The following SGCD variants were observed in gnomAD, a reference collection of about 807,000 sequenced individuals.
The protein encoded by SGCD is delta-sarcoglycan.
In SGCD, 18 loss-of-function variants were observed where a neutral mutation model predicts 36.6. The observed-to-expected ratio is 0.49, with a 90% CI of 0.34 to 0.73. SGCD has a LOEUF of 0.73. SGCD is among the 30% of genes least tolerant of loss of function. SGCD has a pLI of 0.01. For synonymous variants in SGCD, 133 were observed against 130.6 expected (o/e 1.02, Z -0.12); for missense variants, 387 against 346.7 (o/e 1.12, Z -0.92).
chr5:155,901,354 T>C (rs1222631789), intron 1 of SGCD, among the ~76,000 whole-genome samples: 1 of 151,696 alleles, frequency 6.6e-6, no homozygotes, highest in African/African-American at 2.4e-5. Context: ...TTGAGTTGAT[T>C]CTAAATAGCC....
At chr5:156,470,182 G>A (rs1754891937) in intron 3 of SGCD, among the ~76,000 whole-genome samples, 1 of 152,054 alleles carries the variant, frequency 6.6e-6, no homozygotes, top group South Asian at 2.1e-4. Context: ...AACATGAGAG[G>A]AAAGATACAT....
intron 3 of SGCD, among the ~76,000 whole-genome samples, chr5:156,499,414 A>G (rs1227716996): frequency 6.6e-6 from 1 of 152,218 alleles, no homozygotes; most frequent in Non-Finnish European, 1.5e-5. Context: ...CTTATTTCTC[A>G]TCTCAAGAAA....
At chr5:156,536,226 G>A (rs1411067168) in intron 4 of SGCD, among the ~76,000 whole-genome samples, 2 of 152,060 alleles carry the variant, frequency 1.3e-5, no homozygotes, top group African/African-American at 2.4e-5. Context: ...TTATAAGGTC[G>A]TTTATATTAT....
In SGCD at chr5:156,603,053, A is replaced by G. The variant is rs562318854; in HGVS notation, c.502+8002A>G. Among the ~76,000 whole-genome samples, 11 of 152,240 alleles carry G rather than the reference A, an allele frequency of 7.2e-5. No individual in the cohort carries two copies. In the East Asian group the frequency reaches 1.9e-3, roughly 27 times the overall value. On this transcript the variant is annotated intron_variant, in intron 6 of 8. Coordinates refer to ENST00000337851, the MANE Select transcript of SGCD (RefSeq NM_000337.6). ...TTTAAGTGTTTGGCAAGAAGTCAGC[A>G]TGAAGCCATTATGTCCTGGGCTTTT...
chr5:156,579,906 C>T (rs1432886315), intron 4 of SGCD, among the ~76,000 whole-genome samples: 2 of 152,180 alleles, frequency 1.3e-5, no homozygotes, highest in Non-Finnish European at 2.9e-5. Flanking sequence ...GAATTTAGCC[C>T]ATTTACATTT....
intron 6 of SGCD, among the ~76,000 whole-genome samples, chr5:156,608,271 A>C (rs1393043724): frequency 2.0e-5 from 3 of 152,134 alleles, no homozygotes; most frequent in Non-Finnish European, 2.9e-5. Context: ...TTCAAAGAAG[A>C]TCTTTATTTC....
At chr5:156,148,497 A>G (rs1049259741) in intron 3 of SGCD, among the ~76,000 whole-genome samples, 4 of 152,178 alleles carry the variant, frequency 2.6e-5, no homozygotes, top group Non-Finnish European at 5.9e-5. Context: ...TTCTATTTGA[A>G]GCTGCTTAAA....
At chr5:156,122,228 GAGCTC>G (rs2127602878) in intron 2 of SGCD, among the ~76,000 whole-genome samples, 3 of 152,110 alleles carry the variant, frequency 2.0e-5, no homozygotes, top group African/African-American at 7.2e-5. Flanking sequence ...AATATTTATC[GAGCTC>G]CACTTCTGTG....
intron 4 of SGCD, among the ~76,000 whole-genome samples, chr5:156,530,387 G>A (rs1268870875): frequency 6.6e-6 from 1 of 152,120 alleles, no homozygotes; most frequent in Non-Finnish European, 1.5e-5. Flanking sequence ...TTAATGCATA[G>A]GTATTTATAT....
chr5:156,180,618 A>G (rs1763585717), intron 3 of SGCD, among the ~76,000 whole-genome samples: 1 of 152,214 alleles, frequency 6.6e-6, no homozygotes, highest in African/African-American at 2.4e-5. Flanking sequence ...TTCACTGAAA[A>G]TGAACTGACA....
At chr5:156,286,813 T>TA (rs1427397628) in intron 3 of SGCD, among the ~76,000 whole-genome samples, 1 of 151,308 alleles carries the variant, frequency 6.6e-6, no homozygotes, top group Non-Finnish European at 1.5e-5. Flanking sequence ...CCCTAAAACT[T>TA]AAAGTATAAT....
the SGCD span, among the ~76,000 whole-genome samples, chr5:155,734,195 T>A: frequency 1.4e-5 from 2 of 148,106 alleles, no homozygotes; most frequent in Non-Finnish European, 3.0e-5. Flanking sequence ...TGTTATTAAT[T>A]ATATTAATAT....
chr5:156,329,551 G>T lies in SGCD; in HGVS notation c.-26G>T, dbSNP rs752924735. ...CCTTGCAGAGACATTACTGCCGGGAGTGTTGAGTGAAGGGACCAGGTGGAG... is the reference window on the plus strand; with the variant it reads ...CCTTGCAGAGACATTACTGCCGGGATTGTTGAGTGAAGGGACCAGGTGGAG... On this transcript the variant is annotated 5_prime_UTR_variant, in exon 2 of 9. Transcript: ENST00000337851. 4 of 1,613,152 alleles carry T rather than the reference G, an allele frequency of 2.5e-6. No homozygotes were observed. Among genetic ancestry groups the T allele is most frequent in the Non-Finnish European group, 3.4e-6 (4 of 1,179,156 alleles).
At chr5:156,386,289 G>A (rs570551541) in intron 3 of SGCD, among the ~76,000 whole-genome samples, 1 of 152,196 alleles carries the variant, frequency 6.6e-6, no homozygotes, top group African/African-American at 2.4e-5. Flanking sequence ...ACTATCTTCT[G>A]TGTGACTCTG....
intron 1 of SGCD, among the ~76,000 whole-genome samples, chr5:155,992,932 T>A (rs1358108006): frequency 2.0e-5 from 3 of 152,218 alleles, no homozygotes; most frequent in Non-Finnish European, 2.9e-5. Flanking sequence ...ATATGCAAAC[T>A]AACCAATCCA....
chr5:156,024,972 A>C (rs1400083079), intron 1 of SGCD, among the ~76,000 whole-genome samples: 1 of 148,980 alleles, frequency 6.7e-6, no homozygotes, highest in Non-Finnish European at 1.5e-5. Context: ...AAAAAAAAAA[A>C]GAAATGGCTA....
the SGCD span, among the ~76,000 whole-genome samples, chr5:155,799,348 A>AAAAT: frequency 6.6e-6 from 1 of 152,196 alleles, no homozygotes; most frequent in East Asian, 1.9e-4. Flanking sequence ...AGCCACAACC[A>AAAAT]AAATGCATTG....
intron 7 of SGCD, among the ~76,000 whole-genome samples, chr5:156,753,158 C>T (rs1757211221): frequency 1.3e-5 from 2 of 152,220 alleles, no homozygotes; most frequent in South Asian, 4.1e-4. Flanking sequence ...GCACTGTTTT[C>T]ACAAGCCCAC....
chr5:156,131,978 T>G (rs995668484), intron 3 of SGCD, among the ~76,000 whole-genome samples: 2 of 152,210 alleles, frequency 1.3e-5, no homozygotes, highest in African/African-American at 2.4e-5. Context: ...ACAGTACAAT[T>G]TAAAAGCCAG....
Sources: allele counts gnomAD v4.1 joint callset (sites outside exome capture counted in the v4.1 genomes callset), GRCh38; gene constraint gnomAD v4.1.1; transcripts MANE v1.5; gene names NCBI Gene and HGNC (gene_info 2026-07-23, HGNC 2026-07-21).